Variants in WASHC4 observed in about 807,000 individuals in gnomAD.
WASHC4 encodes WASH complex subunit 4, also known as WASH complex subunit 7.
Under a neutral mutation model 166.6 loss-of-function variants are expected in WASHC4, and 86 were observed. That is an observed-to-expected ratio of 0.52 (90% CI 0.43 to 0.62). The LOEUF (loss-of-function observed/expected upper bound fraction) is 0.62, where lower values mean the gene tolerates loss of function less well. Ranked by LOEUF, WASHC4 falls within the 20% of genes least tolerant of loss-of-function variation. The pLI, the probability that WASHC4 is intolerant of heterozygous loss-of-function variation, is 0.00. For missense variants in WASHC4, 1,262 were observed against 1,382.4 expected, an observed-to-expected ratio of 0.91 and a Z score of 1.38; for synonymous variants, 446 against 451.6, an observed-to-expected ratio of 0.99 and a Z score of 0.16.
At position 105,114,285 on chromosome 12, in the gene WASHC4, T is replaced by C. The variant is rs747056265; in HGVS notation, c.255+16T>C. 6.2e-7 allele frequency: 1 copy of C among 1,606,686 alleles called. No homozygotes were observed. Among genetic ancestry groups the C allele is most frequent in the Admixed American group, 1.7e-5 (1 of 59,570 alleles). On this transcript the variant is annotated intron_variant, in intron 3 of 32. Coordinates refer to ENST00000332180, the MANE Select transcript of WASHC4 (RefSeq NM_015275.3). ...TGAAAACAAGGTACAGAATCCTAAATCTAAAAAATTGTTTTAAAAATGTTT... is the reference window on the plus strand; with the variant it reads ...TGAAAACAAGGTACAGAATCCTAAACCTAAAAAATTGTTTTAAAAATGTTT...
In WASHC4 at chr12:105,110,935, A is replaced by G. The variant is rs147112620; in HGVS notation, c.62-190A>G. 2.4e-3 allele frequency among the ~76,000 whole-genome samples: 367 copies of G among 152,260 alleles called. 1 individual carries two copies. Among genetic ancestry groups the G allele is most frequent in the African/African-American group, 8.3e-3 (343 of 41,550 alleles). ...ATATGGTAACATCTACTGCTTTTAA[A>G]ATTATTTCGTGTATAGAGAAGATTG... On this transcript the variant is annotated intron_variant, in intron 1 of 32. Coordinates refer to ENST00000332180, the MANE Select transcript of WASHC4 (RefSeq NM_015275.3).
At chr12:105,139,425 G>GTGTGTGTGTGTA in intron 15 of WASHC4, among the ~76,000 whole-genome samples, 4 of 103,228 alleles carry the variant, frequency 3.9e-5, no homozygotes, top group East Asian at 2.8e-4. Flanking sequence ...ATGTGTGTGT[G>GTGTGTGTGTGTA]TATATATATA....
In WASHC4 at chr12:105,144,749, C is replaced by G. The variant is rs1359077339; in HGVS notation, c.2211C>G (p.Phe737Leu). The G allele has an allele frequency of 2.5e-6, 4 of 1,610,838 alleles. No individual in the cohort carries two copies. In the East Asian group the frequency reaches 6.7e-5, roughly 27 times the overall value. Residue 737 changes from phenylalanine to leucine, a missense_variant, in exon 22 of 33, where the codon TTC becomes TTG. By Grantham distance (22) the Phe-to-Leu change is conservative. Transcript: ENST00000332180. ...AYVTHYLDKTFYNLTTVALHD... is the reference protein window; with the variant it reads ...AYVTHYLDKTLYNLTTVALHD... ...TAACTCACTACCTAGACAAGACTTT[C>G]TACAATCTAACAACTGTAGCCCTTC...
rs890542445 is a variant in WASHC4, at chr12:105,148,924, T to C, written c.2515-691T>C. On this transcript the variant is annotated intron_variant, in intron 24 of 32. Transcript: ENST00000332180. ...CTTTAATCTCAGCTCATACCTCACTTTCTTAGGATTTTCTGAGTCAAGGGC... is the reference window on the plus strand; with the variant it reads ...CTTTAATCTCAGCTCATACCTCACTCTCTTAGGATTTTCTGAGTCAAGGGC... The C allele has an allele frequency of 4.1e-6, 4 of 983,792 alleles. No individual in the cohort carries two copies. The Admixed American group carries it at 2.5e-4, about 61-fold the overall frequency. The allele number at this position is 983,792 out of a possible 1,614,324, so 60.9% of individuals were successfully genotyped here.
chr12:105,141,291 A>C (rs2135792575), intron 18 of WASHC4, 45 bp downstream of exon 18: 1 of 1,242,378 alleles, frequency 8.0e-7, no homozygotes, highest in East Asian at 2.3e-5. Context: ...AGACAGGGTT[A>C]ATAGAAACAT....
chr12:105,116,951 G>A (rs1003441270), intron 6 of WASHC4, among the ~76,000 whole-genome samples: 11 of 152,184 alleles, frequency 7.2e-5, no homozygotes, highest in African/African-American at 2.7e-4. Context: ...CTGCCTATCT[G>A]CTGCTGGCTT....
At chr12:105,107,888 C>T (rs1383442072) in intron 1 of WASHC4, 27 bp downstream of exon 1, 1 of 1,512,276 alleles carries the variant, frequency 6.6e-7, no homozygotes, top group Admixed American at 2.0e-5. Context: ...GCGAGGGCTG[C>T]GGGTGGACGC....
At chr12:105,120,876 C>G (rs915393842) in intron 8 of WASHC4, among the ~76,000 whole-genome samples, 1 of 152,144 alleles carries the variant, frequency 6.6e-6, no homozygotes, top group Non-Finnish European at 1.5e-5. Flanking sequence ...AGTATTGCAA[C>G]TAAGGATGAA....
intron 28 of WASHC4, among the ~76,000 whole-genome samples, chr12:105,158,031 T>G (rs1220821256): frequency 6.6e-6 from 1 of 151,818 alleles, no homozygotes; most frequent in Non-Finnish European, 1.5e-5. Context: ...GACAATTTGA[T>G]CAAAAAGAAT....
In WASHC4 at chr12:105,140,974, A is replaced by G; in HGVS notation, c.1636A>G (p.Thr546Ala). The G allele has an allele frequency of 6.2e-7, 1 of 1,614,160 alleles. No homozygotes were observed. The highest frequency in any genetic ancestry group is 8.5e-7 in the Non-Finnish European group (1 of 1,180,018). ...CTCTGCTCTAGTTTTGGCTGAAAAC[A>G]CTCTAAATGGACCAAGCACAAAGCA... ...VLSALVLAEN[T>A]LNGPSTKQRR... The change falls in exon 17 of 33, where the codon ACT (threonine) becomes GCT (alanine). Residue 546 changes from threonine (T) to alanine (A), a missense_variant. Thr to Ala is a moderately conservative substitution (Grantham distance 58). Coordinates refer to ENST00000332180, the MANE Select transcript of WASHC4 (RefSeq NM_015275.3).
chr12:105,142,092 G>C (rs1213000215), intron 18 of WASHC4, among the ~76,000 whole-genome samples: 1 of 151,524 alleles, frequency 6.6e-6, no homozygotes, highest in Non-Finnish European at 1.5e-5. Context: ...AAGTATTTAA[G>C]TCTAGTCATA....
At position 105,132,661 on chromosome 12, in the gene WASHC4, T is replaced by C. The variant is rs369671300; in HGVS notation, c.1200-1109T>C. Among the ~76,000 whole-genome samples, 10 of 152,304 alleles carry C rather than the reference T, an allele frequency of 6.6e-5. No individual in the cohort carries two copies. In the East Asian group the frequency reaches 1.9e-3, roughly 29 times the overall value. On this transcript the variant is annotated intron_variant, in intron 13 of 32. Transcript: ENST00000332180. ...CTGGGAGGGGAAAGCTTCCTGGATG[T>C]GAGCTTGAATCTTGGCTGAACTTAT...
intron 15 of WASHC4, among the ~76,000 whole-genome samples, chr12:105,138,552 G>A (rs1478414334): frequency 1.3e-5 from 2 of 152,112 alleles, no homozygotes; most frequent in African/African-American, 2.4e-5. Context: ...GTATGGTAAC[G>A]TGTTTCTTAG....
chr12:105,124,501 G>A (rs1267700970), intron 10 of WASHC4, among the ~76,000 whole-genome samples: 1 of 149,524 alleles, frequency 6.7e-6, no homozygotes, highest in Non-Finnish European at 1.5e-5. Flanking sequence ...TTGTTTTTGA[G>A]ATGGAGTCTT....
chr12:105,141,973 A>G (rs1281783799), intron 18 of WASHC4, among the ~76,000 whole-genome samples: 1 of 146,486 alleles, frequency 6.8e-6, no homozygotes, highest in Non-Finnish European at 1.5e-5. Flanking sequence ...CAAAGATTGT[A>G]GACATGTTAA....
intron 10 of WASHC4, among the ~76,000 whole-genome samples, chr12:105,123,714 A>AG: frequency 6.6e-6 from 1 of 152,384 alleles, no homozygotes; most frequent in Non-Finnish European, 1.5e-5. Flanking sequence ...TAAGTTATCC[A>AG]GAAGATCTGG....
chr12:105,130,197 G>T (rs191844486), intron 13 of WASHC4, among the ~76,000 whole-genome samples: 170 of 152,320 alleles, frequency 1.1e-3, no homozygotes, highest in African/African-American at 3.8e-3. Context: ...TAGATAAAAT[G>T]AGTCTTAGAG....
At chr12:105,133,032 C>G (rs79670151) in intron 13 of WASHC4, among the ~76,000 whole-genome samples, 8,206 of 152,060 alleles carry the variant, frequency 0.054, 748 homozygotes, top group African/African-American at 0.19. Context: ...TCATCAGATC[C>G]TCTTGAAACT....
intron 28 of WASHC4, among the ~76,000 whole-genome samples, chr12:105,159,296 G>C (rs1159488922): frequency 6.6e-6 from 1 of 152,216 alleles, no homozygotes; most frequent in Non-Finnish European, 1.5e-5. Flanking sequence ...GGAAGATCCA[G>C]ATTGGTGCAA....
Sources: gnomAD v4.1 joint callset for allele counts (sites outside exome capture counted in the v4.1 genomes callset) on GRCh38, gnomAD v4.1.1 for gene constraint, MANE v1.5 for transcripts, NCBI Gene and HGNC (gene_info 2026-07-23, HGNC 2026-07-21) for gene names.